The following NKAIN2 variants were observed in gnomAD, a reference collection of about 807,000 sequenced individuals.
NKAIN2 encodes the protein sodium/potassium-transporting ATPase subunit beta-1-interacting protein 2.
A neutral mutation model predicts 32.6 loss-of-function variants in NKAIN2; 14 were observed. The observed-to-expected ratio is 0.43, with a 90% CI of 0.28 to 0.67. The LOEUF is 0.67. Ranked by LOEUF, NKAIN2 falls within the 30% of genes least tolerant of loss-of-function variation. The pLI is 0.17. For missense variants in NKAIN2, 198 were observed against 258.3 expected, an observed-to-expected ratio of 0.77 and a Z score of 1.60; for synonymous variants, 80 against 87.2, an observed-to-expected ratio of 0.92 and a Z score of 0.46.
At chr6:124,565,212 A>G (rs1446990686) in intron 3 of NKAIN2, among the ~76,000 whole-genome samples, 1 of 152,314 alleles carries the variant, frequency 6.6e-6, no homozygotes, top group East Asian at 1.9e-4. Flanking sequence ...CTTAGTGCTC[A>G]GGCAGAATGA....
intron 3 of NKAIN2, among the ~76,000 whole-genome samples, chr6:124,415,814 T>C (rs75151314): frequency 6.5e-4 from 98 of 151,738 alleles, no homozygotes; most frequent in African/African-American, 2.2e-3. Flanking sequence ...CTATGTATTT[T>C]AACAATAGCA....
rs148994035 is a variant in NKAIN2, at chr6:124,205,910, C to T, written c.55-77095C>T. Among the ~76,000 whole-genome samples, 169 of 151,900 alleles carry T rather than the reference C, an allele frequency of 1.1e-3. 1 individual carries two copies. In the East Asian group the frequency reaches 0.025, roughly 23 times the overall value. On this transcript the variant is annotated intron_variant, in intron 1 of 6. Transcript: ENST00000368417. ...CTTAAACAACAGGTTTACTGTTATCCGTAATATACCTTAGTATGTATCTGT... is the reference window on the plus strand; with the variant it reads ...CTTAAACAACAGGTTTACTGTTATCTGTAATATACCTTAGTATGTATCTGT...
chr6:123,909,856 C>A (rs1775080777), intron 1 of NKAIN2, among the ~76,000 whole-genome samples: 1 of 152,114 alleles, frequency 6.6e-6, no homozygotes, highest in Admixed American at 6.6e-5. Context: ...TATCCACAAC[C>A]ATTTGCACAG....
At chr6:124,391,354 T>G (rs1773133481) in intron 3 of NKAIN2, among the ~76,000 whole-genome samples, 1 of 152,172 alleles carries the variant, frequency 6.6e-6, no homozygotes, top group Non-Finnish European at 1.5e-5. Context: ...CTCTTGCCTT[T>G]TTGTTTTCTT....
At chr6:123,962,820 C>A (rs535523459) in intron 1 of NKAIN2, among the ~76,000 whole-genome samples, 1 of 152,158 alleles carries the variant, frequency 6.6e-6, no homozygotes, top group African/African-American at 2.4e-5. Context: ...ACCCTGCTAA[C>A]GCTGTACGTA....
At position 124,727,700 on chromosome 6, in the gene NKAIN2, C is replaced by G. The variant is rs1776404432; in HGVS notation, c.475-63639C>G. Among the ~76,000 whole-genome samples, 3 of 150,100 alleles carry G rather than the reference C, an allele frequency of 2.0e-5. No individual in the cohort carries two copies. The South Asian group carries it at 6.4e-4, about 32-fold the overall frequency. ...TCATAATGACAGGATCAAATTCACACATAACAATATTAACTTTAAATGTAA... is the reference window on the plus strand; with the variant it reads ...TCATAATGACAGGATCAAATTCACAGATAACAATATTAACTTTAAATGTAA... On this transcript the variant is annotated intron_variant, in intron 4 of 6. Coordinates refer to ENST00000368417, the MANE Select transcript of NKAIN2 (RefSeq NM_001040214.3).
At chr6:124,575,162 C>A (rs931509370) in intron 3 of NKAIN2, among the ~76,000 whole-genome samples, 5 of 152,138 alleles carry the variant, frequency 3.3e-5, no homozygotes, top group Admixed American at 3.3e-4. Context: ...GACTCCTAAC[C>A]TTTAGGGGAG....
intron 4 of NKAIN2, among the ~76,000 whole-genome samples, chr6:124,679,524 T>C (rs550536973): frequency 6.6e-6 from 1 of 152,242 alleles, no homozygotes; most frequent in African/African-American, 2.4e-5. Context: ...GTGCCATCGA[T>C]TTTTCTGGCT....
intron 3 of NKAIN2, among the ~76,000 whole-genome samples, chr6:124,497,426 G>T (rs921511493): frequency 2.0e-5 from 3 of 151,990 alleles, no homozygotes; most frequent in Non-Finnish European, 4.4e-5. Context: ...ACATCGCTAG[G>T]GCTTTTCACA....
At chr6:124,335,125 GAA>G (rs5879728) in intron 2 of NKAIN2, among the ~76,000 whole-genome samples, 1 of 151,738 alleles carries the variant, frequency 6.6e-6, no homozygotes, top group African/African-American at 2.4e-5. Flanking sequence ...TGTGTAGGCA[GAA>G]AAAAAATATG....
intron 1 of NKAIN2, among the ~76,000 whole-genome samples, chr6:123,867,304 A>C (rs1367234575): frequency 6.6e-6 from 1 of 152,198 alleles, no homozygotes; most frequent in Non-Finnish European, 1.5e-5. Flanking sequence ...GAACAAGTAC[A>C]TGTTCCTCAG....
chr6:124,720,689 G>T (rs1775968881), intron 4 of NKAIN2, among the ~76,000 whole-genome samples: 1 of 152,148 alleles, frequency 6.6e-6, no homozygotes, highest in African/African-American at 2.4e-5. Context: ...AGCCACACGG[G>T]TGTTGCAAAC....
chr6:124,635,775 G>A (rs556047690), intron 3 of NKAIN2, among the ~76,000 whole-genome samples: 7 of 151,948 alleles, frequency 4.6e-5, no homozygotes, highest in Non-Finnish European at 1.0e-4. Context: ...CAACAATGGA[G>A]CACCCAGATA....
In NKAIN2 at chr6:123,846,333, C is replaced by A. The variant is rs143245955; in HGVS notation, c.54+42079C>A. On this transcript the variant is annotated intron_variant, in intron 1 of 6. Transcript: ENST00000368417. ...TTCCTGCCACTCCAAATAGGTTGTGCTTTTGCCTCAGTTCTTAAAAAGTGA... is the reference window on the plus strand; with the variant it reads ...TTCCTGCCACTCCAAATAGGTTGTGATTTTGCCTCAGTTCTTAAAAAGTGA... Among the ~76,000 whole-genome samples, 173 of 152,292 alleles carry A rather than the reference C, an allele frequency of 1.1e-3. 1 individual carries two copies. Among genetic ancestry groups the A allele is most frequent in the African/African-American group, 4.0e-3 (165 of 41,558 alleles).
At chr6:124,349,833 A>G (rs899329770) in intron 2 of NKAIN2, among the ~76,000 whole-genome samples, 3 of 152,220 alleles carry the variant, frequency 2.0e-5, no homozygotes, top group Admixed American at 6.5e-5. Context: ...CAAATACCAC[A>G]GGGAAGCCAT....
At chr6:124,712,894 C>G (rs1484332106) in intron 4 of NKAIN2, among the ~76,000 whole-genome samples, 1 of 152,020 alleles carries the variant, frequency 6.6e-6, no homozygotes, top group Non-Finnish European at 1.5e-5. Context: ...TTGCATCTCA[C>G]TATATAATAG....
At chr6:124,066,376 CTT>C (rs1204722915) in intron 1 of NKAIN2, among the ~76,000 whole-genome samples, 2 of 152,088 alleles carry the variant, frequency 1.3e-5, no homozygotes, top group East Asian at 3.9e-4. Flanking sequence ...GTCTCTTCTC[CTT>C]TTCTGGTTGT....
At chr6:124,511,883 A>C (rs1322979146) in intron 3 of NKAIN2, among the ~76,000 whole-genome samples, 3 of 152,146 alleles carry the variant, frequency 2.0e-5, no homozygotes, top group African/African-American at 7.2e-5. Flanking sequence ...TCATTTGCTC[A>C]TTTGACACAC....
chr6:123,851,345 G>A (rs1775340064), intron 1 of NKAIN2, among the ~76,000 whole-genome samples: 1 of 139,592 alleles, frequency 7.2e-6, no homozygotes, highest in South Asian at 2.4e-4. Flanking sequence ...CGCCTCCTAG[G>A]TTCAAGCAGT....
Sources: gnomAD v4.1 joint callset for allele counts (sites outside exome capture counted in the v4.1 genomes callset) on GRCh38, gnomAD v4.1.1 for gene constraint, MANE v1.5 for transcripts, NCBI Gene and HGNC (gene_info 2026-07-23, HGNC 2026-07-21) for gene names.